Variants in SLC39A11 observed in about 807,000 individuals in gnomAD.
SLC39A11 encodes the protein solute carrier family 39 member 11, also known as zinc transporter ZIP11.
SLC39A11 carries 33 observed loss-of-function variants against 36.1 expected under a neutral mutation model. The observed-to-expected ratio is 0.91, with a 90% CI of 0.69 to 1.22. The LOEUF (loss-of-function observed/expected upper bound fraction) is 1.22, where lower values mean the gene tolerates loss of function less well. SLC39A11 is among the 50% of genes most tolerant of loss of function. The probability of loss-of-function intolerance (pLI) is 0.00; values close to 1 mark genes in which losing one functional copy is unlikely to be tolerated. For missense variants in SLC39A11, 432 were observed against 430.3 expected (o/e 1.00, Z -0.03); for synonymous variants, 166 against 170.3 (o/e 0.97, Z 0.20).
chr17:72,814,310 T>C (rs76458618), intron 6 of SLC39A11, among the ~76,000 whole-genome samples: 4,852 of 152,256 alleles, frequency 0.032, 248 homozygotes, highest in African/African-American at 0.11. Context: ...GAAGGAGTAG[T>C]TCCTCCCAAA....
intron 4 of SLC39A11, among the ~76,000 whole-genome samples, chr17:73,011,656 G>GGTTTTCTT (rs1272382103): frequency 2.0e-5 from 2 of 101,966 alleles, no homozygotes; most frequent in East Asian, 7.4e-4. Context: ...CTGGTTTTCT[G>GGTTTTCTT]GTTTTCTTGG....
intron 3 of SLC39A11, among the ~76,000 whole-genome samples, chr17:73,037,156 T>A (rs2058947446): frequency 1.3e-5 from 2 of 152,210 alleles, no homozygotes; most frequent in Admixed American, 1.3e-4. Flanking sequence ...TGCTTCTGAG[T>A]TTTGTCGATT....
intron 5 of SLC39A11, among the ~76,000 whole-genome samples, chr17:72,927,029 G>A (rs554662718): frequency 1.3e-5 from 2 of 152,216 alleles, no homozygotes; most frequent in African/African-American, 2.4e-5. Flanking sequence ...GACAATGTCC[G>A]GTTGCCCAGT....
chr17:73,052,178 G>GAA (rs11455533), intron 3 of SLC39A11, among the ~76,000 whole-genome samples: 1,761 of 148,520 alleles, frequency 0.012, 27 homozygotes, highest in South Asian at 0.041. Flanking sequence ...ATCAACCCCA[G>GAA]AAAAAAAAAA....
At chr17:72,822,787 T>G (rs983638165) in intron 6 of SLC39A11, among the ~76,000 whole-genome samples, 1 of 150,834 alleles carries the variant, frequency 6.6e-6, no homozygotes, top group African/African-American at 2.4e-5. Flanking sequence ...CGATCATAGC[T>G]CACTGCAGCT....
chr17:72,984,200 C>G (rs954564775), intron 4 of SLC39A11, among the ~76,000 whole-genome samples: 18 of 152,100 alleles, frequency 1.2e-4, no homozygotes, highest in Admixed American at 5.9e-4. Flanking sequence ...TGTTCTTCCC[C>G]CATGAAGCAG....
intron 5 of SLC39A11, among the ~76,000 whole-genome samples, chr17:72,928,585 C>T (rs2084194021): frequency 6.6e-6 from 1 of 152,062 alleles, no homozygotes; most frequent in Non-Finnish European, 1.5e-5. Context: ...GAAGTGTAGG[C>T]TGTGGCTTTG....
At chr17:72,712,480 T>C (rs1348906223) in intron 7 of SLC39A11, among the ~76,000 whole-genome samples, 1 of 152,220 alleles carries the variant, frequency 6.6e-6, no homozygotes, top group Non-Finnish European at 1.5e-5. Context: ...AGTTTTTGTT[T>C]TTTAATAGAA....
rs139199464 is a variant in SLC39A11 at position 72,986,747 on chromosome 17, C to T, written c.307-38872G>A. Among the ~76,000 whole-genome samples the T allele has an allele frequency of 1.8e-3, 269 of 152,236 alleles. 2 individuals are homozygous for T. Among genetic ancestry groups the T allele is most frequent in the African/African-American group, 6.2e-3 (259 of 41,544 alleles). ...TTGGATATAAGACATAATCACAGGC[C>T]GGGCATGGTGGCTCATGCCTGTAAT... is the stretch of plus-strand genomic sequence containing the variant. On this transcript the variant is annotated intron_variant, in intron 4 of 9. Coordinates refer to ENST00000255559, the MANE Select transcript of SLC39A11 (RefSeq NM_139177.4).
intron 6 of SLC39A11, among the ~76,000 whole-genome samples, chr17:72,825,443 G>T (rs906513281): frequency 5.9e-5 from 9 of 152,228 alleles, no homozygotes; most frequent in African/African-American, 2.2e-4. Flanking sequence ...CCCTCATGGA[G>T]AACCTCAACT....
intron 3 of SLC39A11, among the ~76,000 whole-genome samples, chr17:73,074,038 A>G (rs573948928): frequency 6.6e-6 from 1 of 151,356 alleles, no homozygotes; most frequent in Non-Finnish European, 1.5e-5. Context: ...CCTCTCAGGC[A>G]GTAAGATGGA....
At chr17:73,081,907 G>A (rs948605959) in intron 3 of SLC39A11, among the ~76,000 whole-genome samples, 5 of 150,846 alleles carry the variant, frequency 3.3e-5, no homozygotes, top group Admixed American at 6.6e-5. Flanking sequence ...ACTCATAAGC[G>A]GGAGCTAAGC....
At position 72,989,174 on chromosome 17, in the gene SLC39A11, C is replaced by T. The variant is rs540598669; in HGVS notation, c.307-41299G>A. On this transcript the variant is annotated intron_variant, in intron 4 of 9. Coordinates refer to ENST00000255559, the MANE Select transcript of SLC39A11 (RefSeq NM_139177.4). ...TCAGTTTTCTACTACGTGTCTTTCA[C>T]CACAATAAAAAGAAAGATAAAAATA... Among the ~76,000 whole-genome samples, 4 of 152,274 alleles carry T rather than the reference C, an allele frequency of 2.6e-5. No homozygotes were observed. In the East Asian group the frequency reaches 5.8e-4, roughly 22 times the overall value.
chr17:72,974,141 C>CT (rs2087660457), intron 4 of SLC39A11, among the ~76,000 whole-genome samples: 2 of 152,098 alleles, frequency 1.3e-5, no homozygotes, highest in African/African-American at 2.4e-5. Flanking sequence ...CACTCTGTCA[C>CT]CCAGGCTGGA....
At chr17:72,672,661 A>T in intron 7 of SLC39A11, among the ~76,000 whole-genome samples, 1 of 152,086 alleles carries the variant, frequency 6.6e-6, no homozygotes, top group African/African-American at 2.4e-5. Context: ...GTACAATGAC[A>T]CTATCATGGC....
chr17:72,971,560 G>A (rs1317658531), intron 4 of SLC39A11, among the ~76,000 whole-genome samples: 1 of 152,172 alleles, frequency 6.6e-6, no homozygotes, highest in Non-Finnish European at 1.5e-5. Flanking sequence ...ACAGGAGAGA[G>A]TCTGCCATCA....
intron 4 of SLC39A11, among the ~76,000 whole-genome samples, chr17:72,970,292 A>C (rs2087343190): frequency 6.6e-6 from 1 of 152,180 alleles, no homozygotes; most frequent in Admixed American, 6.5e-5. Flanking sequence ...CTAGCTTAGA[A>C]CTTTCTGCTT....
At chr17:72,886,020 C>T (rs1036524948) in intron 5 of SLC39A11, among the ~76,000 whole-genome samples, 3 of 152,192 alleles carry the variant, frequency 2.0e-5, no homozygotes, top group Non-Finnish European at 4.4e-5. Flanking sequence ...CATGTCTAGT[C>T]AATTCCCCTC....
At chr17:73,019,433 T>C (rs2058270722) in intron 4 of SLC39A11, among the ~76,000 whole-genome samples, 1 of 152,182 alleles carries the variant, frequency 6.6e-6, no homozygotes, top group Non-Finnish European at 1.5e-5. Flanking sequence ...CAAAGAGGGA[T>C]AAATAGATGT....
Sources: gnomAD v4.1 joint callset for allele counts (sites outside exome capture counted in the v4.1 genomes callset) on GRCh38, gnomAD v4.1.1 for gene constraint, MANE v1.5 for transcripts, NCBI Gene and HGNC (gene_info 2026-07-23, HGNC 2026-07-21) for gene names.